Variants in FGD6 observed in about 807,000 individuals in gnomAD.
FGD6 encodes FYVE, RhoGEF and PH domain-containing protein 6.
FGD6 carries 90 observed loss-of-function variants against 149.4 expected under a neutral mutation model. The observed-to-expected ratio is 0.60, with a 90% CI of 0.51 to 0.72. The LOEUF is 0.72. Among genes scored for constraint, FGD6 ranks in the 30% least tolerant of loss-of-function variants. The probability of loss-of-function intolerance (pLI) is 0.00; values close to 1 mark genes in which losing one functional copy is unlikely to be tolerated. For missense variants in FGD6, 1,437 were observed against 1,684.8 expected (o/e 0.85, Z 2.57); for synonymous variants, 527 against 584.0 (o/e 0.90, Z 1.41).
At chr12:95,190,587 A>T (rs1001563196) in intron 2 of FGD6, among the ~76,000 whole-genome samples, 201 of 152,258 alleles carry the variant, frequency 1.3e-3, no homozygotes, top group African/African-American at 4.6e-3. Context: ...AAAAAACTGT[A>T]TTTTATTTAG....
intron 14 of FGD6, among the ~76,000 whole-genome samples, chr12:95,099,975 G>A (rs190571288): frequency 1.9e-3 from 281 of 151,566 alleles, no homozygotes; most frequent in Non-Finnish European, 3.3e-3. Context: ...TGCCTCCCTG[G>A]TATGTCTTTT....
At chr12:95,197,967 C>T (rs1278256913) in intron 2 of FGD6, among the ~76,000 whole-genome samples, 1 of 152,198 alleles carries the variant, frequency 6.6e-6, no homozygotes, top group Non-Finnish European at 1.5e-5. Context: ...AATCAATGAA[C>T]TCTTCCTGCA....
intron 8 of FGD6, among the ~76,000 whole-genome samples, chr12:95,126,650 G>A (rs1320114534): frequency 6.6e-6 from 1 of 151,194 alleles, no homozygotes; most frequent in Non-Finnish European, 1.5e-5. Flanking sequence ...AGAACTGCTT[G>A]AACCCGGGAG....
chr12:95,173,163 T>A (rs1440069070), intron 2 of FGD6, among the ~76,000 whole-genome samples: 1 of 152,092 alleles, frequency 6.6e-6, no homozygotes, highest in African/African-American at 2.4e-5. Flanking sequence ...AAAAAACAAG[T>A]AACAAATCTA....
chr12:95,103,172 A>T (rs1878504271), intron 14 of FGD6, among the ~76,000 whole-genome samples: 1 of 152,218 alleles, frequency 6.6e-6, no homozygotes. Flanking sequence ...GGTTGCTGTG[A>T]AGATGAAACG....
chr12:95,188,939 T>C (rs553176972), intron 2 of FGD6, among the ~76,000 whole-genome samples: 132 of 152,240 alleles, frequency 8.7e-4, no homozygotes, highest in Non-Finnish European at 1.6e-3. Flanking sequence ...CATGTTGACA[T>C]GTGGATTACA....
At chr12:95,114,824 C>T (rs577864951) in intron 8 of FGD6, among the ~76,000 whole-genome samples, 2 of 152,256 alleles carry the variant, frequency 1.3e-5, no homozygotes, top group South Asian at 4.1e-4. Context: ...TACATGGTCC[C>T]TATCAATTTT....
intron 8 of FGD6, among the ~76,000 whole-genome samples, chr12:95,127,610 T>C (rs1044048727): frequency 2.6e-5 from 4 of 152,238 alleles, no homozygotes; most frequent in African/African-American, 9.6e-5. Context: ...AGCCTGTACA[T>C]AGCTCAAATT....
intron 8 of FGD6, chr12:95,116,813 AG>A (rs1179945210): frequency 4.4e-6 from 2 of 455,810 alleles, no homozygotes; most frequent in African/African-American, 4.0e-5. Flanking sequence ...ATCTTCTTGC[AG>A]TATATCTTTT....
chr12:95,099,902 G>A (rs898630815), intron 14 of FGD6, among the ~76,000 whole-genome samples: 8 of 149,496 alleles, frequency 5.4e-5, no homozygotes, highest in East Asian at 1.9e-4. Context: ...GGCTCTCCCC[G>A]GAGTACTAGG....
At chr12:95,181,906 T>C (rs1881290594) in intron 2 of FGD6, among the ~76,000 whole-genome samples, 1 of 148,570 alleles carries the variant, frequency 6.7e-6, no homozygotes, top group African/African-American at 2.5e-5. Context: ...ATCACGCCAC[T>C]GCACTCCAGC....
chr12:95,176,485 C>T (rs2136285603), intron 2 of FGD6, among the ~76,000 whole-genome samples: 1 of 152,250 alleles, frequency 6.6e-6, no homozygotes, highest in Non-Finnish European at 1.5e-5. Flanking sequence ...CTCTACTTCC[C>T]CAAGCACCCT....
chr12:95,148,751 C>T (rs1340880561), intron 5 of FGD6, among the ~76,000 whole-genome samples: 1 of 85,028 alleles, frequency 1.2e-5, no homozygotes, highest in African/African-American at 5.2e-5. Flanking sequence ...TTATATAATA[C>T]ATAGCATATG....
chr12:95,188,671 T>G (rs1051577022), intron 2 of FGD6, among the ~76,000 whole-genome samples: 1 of 152,224 alleles, frequency 6.6e-6, no homozygotes, highest in Non-Finnish European at 1.5e-5. Flanking sequence ...TCATGTACAT[T>G]TAACTTTTTT....
chr12:95,185,046 G>A (rs1372410821), intron 2 of FGD6, among the ~76,000 whole-genome samples: 1 of 149,956 alleles, frequency 6.7e-6, no homozygotes, highest in Non-Finnish European at 1.5e-5. Flanking sequence ...GCTAATTTTT[G>A]TATTTTTAGT....
At chr12:95,110,504 C>T (rs985322499) in intron 9 of FGD6, among the ~76,000 whole-genome samples, 6 of 151,942 alleles carry the variant, frequency 3.9e-5, no homozygotes, top group Admixed American at 3.9e-4. Context: ...TACAGGTGCA[C>T]ACCAGTATGC....
At chr12:95,117,454 G>A (rs542549126) in intron 8 of FGD6, among the ~76,000 whole-genome samples, 2 of 151,046 alleles carry the variant, frequency 1.3e-5, no homozygotes, top group South Asian at 2.1e-4. Context: ...GGAGGGTCTC[G>A]CTCTGTTGCC....
At chr12:95,192,843 G>A (rs1881630095) in intron 2 of FGD6, among the ~76,000 whole-genome samples, 1 of 152,198 alleles carries the variant, frequency 6.6e-6, no homozygotes, top group Non-Finnish European at 1.5e-5. Flanking sequence ...GTGGAACAAA[G>A]CCATGAGAGA....
intron 19 of FGD6, 52 bp downstream of exon 19, chr12:95,085,728 C>T: frequency 6.5e-7 from 1 of 1,547,410 alleles, no homozygotes; most frequent in South Asian, 1.2e-5. Flanking sequence ...TAATTACTTG[C>T]AGTTGGCATT....
Sources: gnomAD v4.1 joint callset for allele counts (sites outside exome capture counted in the v4.1 genomes callset) on GRCh38, gnomAD v4.1.1 for gene constraint, MANE v1.5 for transcripts, NCBI Gene and HGNC (gene_info 2026-07-23, HGNC 2026-07-21) for gene names.